CD36: variants seen among roughly 807,000 people sequenced by gnomAD.
CD36 encodes the protein CD36 molecule (CD36 blood group).
Under a neutral mutation model 55.2 loss-of-function variants are expected in CD36, and 119 were observed. That is an observed-to-expected ratio of 2.15 (90% CI 1.86 to 2.51). The LOEUF (loss-of-function observed/expected upper bound fraction) is 2.51. CD36 is among the 30% of genes most tolerant of loss of function. The pLI is 0.00. For missense variants in CD36, 819 were observed against 555.5 expected (o/e 1.47, Z -4.77); for synonymous variants, 186 against 193.6 (o/e 0.96, Z 0.33).
chr7:80,604,487 G>C (rs562482821), intron 1 of CD36, among the ~76,000 whole-genome samples: 50 of 149,178 alleles, frequency 3.4e-4, no homozygotes, highest in Non-Finnish European at 6.4e-4. Context: ...GACAAACCAC[G>C]TGGAGAAGTA....
intron 2 of CD36, 98 bp from the exon 3 acceptor site, chr7:80,646,554 C>A (rs146810370): frequency 1.5e-6 from 1 of 664,864 alleles, no homozygotes; most frequent in Non-Finnish European, 2.6e-6. Flanking sequence ...TTATTTAGAA[C>A]GGGCAAAATG....
Position 80,642,453 on chromosome 7 carries a change from G to A in CD36, c.-183-3635G>A, listed in dbSNP as rs146579112. On this transcript the variant is annotated intron_variant, in intron 1 of 14. Transcript: ENST00000447544. ...CTTTCTCTGAAGATAAATATAGGTGGAAAAGCTGTGTGACTACATGTGCTA... is the reference window on the plus strand; with the variant it reads ...CTTTCTCTGAAGATAAATATAGGTGAAAAAGCTGTGTGACTACATGTGCTA... Among the ~76,000 whole-genome samples the A allele has an allele frequency of 5.1e-3, 770 of 152,200 alleles. 1 individual carries two copies. Among genetic ancestry groups the A allele is most frequent in the Non-Finnish European group, 7.7e-3 (523 of 67,990 alleles).
intron 1 of CD36, among the ~76,000 whole-genome samples, chr7:80,614,776 C>T (rs1793056896): frequency 6.6e-6 from 1 of 152,126 alleles, no homozygotes. Flanking sequence ...CAGTTGAAAA[C>T]TGTGGGTGCC....
rs150075775 is a variant in CD36 at position 80,674,032 on chromosome 7, C to A, written c.1304C>A (p.Thr435Asn). 1.9e-6 allele frequency: 3 copies of A among 1,612,094 alleles called. No individual in the cohort carries two copies. In the African/African-American group the frequency reaches 4.0e-5, roughly 22 times the overall value. The change falls in exon 14 of 15, where the codon ACT (threonine) becomes AAT (asparagine). Residue 435 changes from threonine (T) to asparagine (N), a missense_variant. Transcript: ENST00000447544. ...GCAAACATGTTCAGAAGTCAAGTAA[C>A]TGGAAAAATAAACCTCCTTGGCCTG... ...EKANMFRSQVTGKINLLGLIE... is the reference protein window; with the variant it reads ...EKANMFRSQVNGKINLLGLIE...
At chr7:80,625,972 G>A (rs767420780) in intron 1 of CD36, among the ~76,000 whole-genome samples, 1 of 152,070 alleles carries the variant, frequency 6.6e-6, no homozygotes. Context: ...AATTAAATGA[G>A]TATCAATACA....
At chr7:80,673,696 G>T in intron 13 of CD36, 1 of 557,490 alleles carries the variant, frequency 1.8e-6, no homozygotes, top group East Asian at 3.0e-5. Flanking sequence ...TGCATTGATA[G>T]CTATAAAAAT....
At chr7:80,648,498 G>C (rs1256199940) in intron 3 of CD36, among the ~76,000 whole-genome samples, 2 of 151,870 alleles carry the variant, frequency 1.3e-5, no homozygotes, top group Non-Finnish European at 2.9e-5. Flanking sequence ...TAGCATGTGA[G>C]GTGCTAGCAT....
intron 7 of CD36, among the ~76,000 whole-genome samples, chr7:80,665,413 C>CGCAAACTGAGTCTATCTAATGATTGCTTT (rs1796978647): frequency 6.6e-6 from 1 of 150,892 alleles, no homozygotes; most frequent in Non-Finnish European, 1.5e-5. Context: ...TAACCCCTAC[C>CGCAAACTGAGTCTATCTAATGATTGCTTT]TCAAACTGAG....
intron 10 of CD36, 81 bp from the exon 11 acceptor site, chr7:80,671,841 G>C: frequency 2.3e-6 from 3 of 1,311,700 alleles, no homozygotes; most frequent in Non-Finnish European, 3.3e-6. Context: ...AGAAGCTTTA[G>C]TTTTGTGGAA....
intron 8 of CD36, among the ~76,000 whole-genome samples, chr7:80,668,115 A>G (rs539229453): frequency 6.6e-6 from 1 of 152,282 alleles, no homozygotes; most frequent in Admixed American, 6.5e-5. Context: ...GCATTTCTGG[A>G]AATAAATTTT....
At chr7:80,613,950 A>G (rs1360737368) in intron 1 of CD36, among the ~76,000 whole-genome samples, 2 of 152,218 alleles carry the variant, frequency 1.3e-5, no homozygotes, top group Non-Finnish European at 2.9e-5. Context: ...TTTTGTAATA[A>G]TACTATCTGA....
At chr7:80,628,784 C>T (rs1793896021) in intron 1 of CD36, among the ~76,000 whole-genome samples, 1 of 152,018 alleles carries the variant, frequency 6.6e-6, no homozygotes, top group Non-Finnish European at 1.5e-5. Flanking sequence ...CCTGAGACAT[C>T]AATCAACATA....
At chr7:80,624,858 G>C (rs1024132390) in intron 1 of CD36, 10 of 151,960 alleles carry the variant, frequency 6.6e-5, no homozygotes, top group Non-Finnish European at 1.5e-4. Context: ...TATTAATATT[G>C]TAAGACAGAG....
chr7:80,668,750 A>ACTCTT, intron 8 of CD36, among the ~76,000 whole-genome samples: 1 of 152,344 alleles, frequency 6.6e-6, no homozygotes, highest in South Asian at 2.1e-4. Flanking sequence ...TTGTCACAAG[A>ACTCTT]GTGTAAACTA....
chr7:80,644,817 A>G (rs1795037712), intron 1 of CD36, among the ~76,000 whole-genome samples: 1 of 152,158 alleles, frequency 6.6e-6, no homozygotes, highest in Non-Finnish European at 1.5e-5. Context: ...TTCTTTGGCC[A>G]TGAGCATTTC....
In CD36 at chr7:80,646,165, G is replaced by A. The variant is rs997641810; in HGVS notation, c.-106G>A. On this transcript the variant is annotated 5_prime_UTR_variant, in exon 2 of 15. Transcript: ENST00000447544. ...TTTCCTGTAAAATTCATGTCTTGCT[G>A]TTGATTTGTGAATAAGGTATCGTAA... The A allele has an allele frequency of 1.3e-5, 2 of 154,714 alleles. No homozygotes were observed. Among genetic ancestry groups the A allele is most frequent in the South Asian group, 4.0e-4 (2 of 5,062 alleles). 9.6% of individuals were successfully genotyped at this position (154,714 alleles called of 1,614,324 possible). A position where few individuals can be genotyped will look rare whatever the true frequency, so the allele number is the denominator to read the frequency against.
rs67213422 is a variant in CD36 at position 80,604,350 on chromosome 7, A to ATTTT, written c.-184+2008_-184+2011dup. ...TACAGTAATTGGCTAAGCCACTGGAATTTTTTTTTTTTTTTTTTTTTTTTT... is the reference window on the plus strand; with the variant it reads ...TACAGTAATTGGCTAAGCCACTGGAATTTTTTTTTTTTTTTTTTTTTTTTTTTTT... On this transcript the variant is annotated intron_variant, in intron 1 of 13. Coordinates refer to the CD36 transcript ENST00000309881. 2.5e-3 allele frequency among the ~76,000 whole-genome samples: 137 copies of ATTTT among 54,290 alleles called. 25 individuals are homozygous for ATTTT. Among genetic ancestry groups the ATTTT allele is most frequent in the South Asian group, 2.9e-3 (5 of 1,742 alleles). 35.6% of individuals were successfully genotyped at this position (54,290 alleles called of 152,430 possible).
intron 3 of CD36, among the ~76,000 whole-genome samples, chr7:80,655,128 T>C (rs1357417260): frequency 6.6e-6 from 1 of 152,178 alleles, no homozygotes; most frequent in African/African-American, 2.4e-5. Flanking sequence ...AATGTTCCTG[T>C]GGTCATTGTT....
intron 1 of CD36, among the ~76,000 whole-genome samples, chr7:80,641,681 C>G (rs529306157): frequency 6.6e-6 from 1 of 152,168 alleles, no homozygotes; most frequent in African/African-American, 2.4e-5. Flanking sequence ...TAGTTTACAT[C>G]CCAGCAGATG....
Sources: gnomAD v4.1 joint callset for allele counts (sites outside exome capture counted in the v4.1 genomes callset) on GRCh38, gnomAD v4.1.1 for gene constraint, MANE v1.5 for transcripts, NCBI Gene and HGNC (gene_info 2026-07-23, HGNC 2026-07-21) for gene names.